The following FRMD4B variants were observed in gnomAD, a reference collection of about 807,000 sequenced individuals.
FRMD4B encodes FERM domain containing 4B, also known as FERM domain-containing protein 4B.
FRMD4B carries 74 observed loss-of-function variants against 141.5 expected under a neutral mutation model. The ratio of observed to expected loss-of-function variants is 0.52; its 90% confidence interval spans 0.43 to 0.63. The LOEUF (loss-of-function observed/expected upper bound fraction) is 0.63. Ranked by LOEUF, FRMD4B falls within the 30% of genes least tolerant of loss-of-function variation. FRMD4B has a pLI of 0.00. For missense variants in FRMD4B, 1,366 were observed against 1,253.4 expected (o/e 1.09, Z -1.36); for synonymous variants, 506 against 467.9 (o/e 1.08, Z -1.05).
intron 1 of FRMD4B, among the ~76,000 whole-genome samples, chr3:69,350,221 A>G (rs1703091101): frequency 6.6e-6 from 1 of 152,244 alleles, no homozygotes; most frequent in Non-Finnish European, 1.5e-5. Flanking sequence ...ACACATGAAA[A>G]AATGCTCATC....
intron 11 of FRMD4B, among the ~76,000 whole-genome samples, chr3:69,211,041 G>A (rs200472981): frequency 0.09 from 5,205 of 57,802 alleles, 241 homozygotes; most frequent in East Asian, 0.21. Flanking sequence ...AAAAAAAAAA[G>A]AAAGAAAATT....
chr3:69,343,860 G>A (rs527894910), intron 1 of FRMD4B, among the ~76,000 whole-genome samples: 12 of 152,134 alleles, frequency 7.9e-5, no homozygotes, highest in African/African-American at 1.4e-4. Context: ...GATTACAGGC[G>A]TGAACCACCA....
chr3:69,414,861 G>GTTTTT (rs5849900), intron 2 of FRMD4B, among the ~76,000 whole-genome samples: 16 of 98,044 alleles, frequency 1.6e-4, no homozygotes, highest in South Asian at 4.1e-4. Context: ...CGAACAAGCT[G>GTTTTT]TTTTTTTTTT....
chr3:69,226,740 G>A (rs2093258142), intron 7 of FRMD4B, among the ~76,000 whole-genome samples: 1 of 152,132 alleles, frequency 6.6e-6, no homozygotes, highest in Admixed American at 6.6e-5. Flanking sequence ...AAAATATGTA[G>A]AACGAGTGTC....
chr3:69,223,510 G>A (rs764855889), intron 8 of FRMD4B, among the ~76,000 whole-genome samples: 28 of 152,052 alleles, frequency 1.8e-4, no homozygotes, highest in Middle Eastern at 3.4e-3. Context: ...GGGAGACTCC[G>A]TCTCAAAAAA....
rs200935513 is a variant in FRMD4B at position 69,396,509 on chromosome 3, A to T, written c.-1+36125T>A. Among the ~76,000 whole-genome samples the T allele has an allele frequency of 2.0e-5, 3 of 152,074 alleles. No individual in the cohort carries two copies. In the East Asian group the frequency reaches 5.8e-4, roughly 29 times the overall value. On this transcript the variant is annotated intron_variant, in intron 2 of 5. Coordinates refer to the FRMD4B transcript ENST00000459638. Reference sequence around the variant, plus strand: ...GACAGAGTGAGACTCTGTCTCATAAAAAAAAAAAAGAATTATAGAAAACAT... The same window carrying T: ...GACAGAGTGAGACTCTGTCTCATAATAAAAAAAAAGAATTATAGAAAACAT...
chr3:69,451,683 G>C (rs1241791335), intron 1 of FRMD4B, among the ~76,000 whole-genome samples: 1 of 152,120 alleles, frequency 6.6e-6, no homozygotes, highest in Non-Finnish European at 1.5e-5. Flanking sequence ...TCTCTGGTGG[G>C]TAAGATGGTT....
chr3:69,438,280 T>G (rs968108321), intron 1 of FRMD4B, among the ~76,000 whole-genome samples: 6 of 151,728 alleles, frequency 4.0e-5, no homozygotes, highest in Non-Finnish European at 8.8e-5. Flanking sequence ...AACTTTTAAT[T>G]TTTTTTGTAG....
intron 7 of FRMD4B, among the ~76,000 whole-genome samples, chr3:69,226,808 A>C (rs1276692237): frequency 6.6e-6 from 1 of 152,240 alleles, no homozygotes; most frequent in Non-Finnish European, 1.5e-5. Context: ...GGAAAGGAGA[A>C]TAGGGAAAGA....
chr3:69,291,517 G>A (rs1177096437), intron 4 of FRMD4B, among the ~76,000 whole-genome samples: 5 of 152,186 alleles, frequency 3.3e-5, no homozygotes, highest in Non-Finnish European at 7.3e-5. Flanking sequence ...GAGTGATGCT[G>A]ACCAGATGGG....
intron 1 of FRMD4B, among the ~76,000 whole-genome samples, chr3:69,473,426 T>C (rs144706550): frequency 1.3e-5 from 2 of 152,302 alleles, no homozygotes; most frequent in East Asian, 3.9e-4. Flanking sequence ...TTTGGCTTCA[T>C]TGGCAATGCA....
At chr3:69,527,206 A>G (rs896125694) in intron 1 of FRMD4B, among the ~76,000 whole-genome samples, 4 of 152,204 alleles carry the variant, frequency 2.6e-5, no homozygotes, top group Admixed American at 1.3e-4. Flanking sequence ...CTAAAAATAG[A>G]TGAAAATGCA....
intron 4 of FRMD4B, among the ~76,000 whole-genome samples, chr3:69,301,922 C>T (rs1406509143): frequency 6.6e-6 from 1 of 152,118 alleles, no homozygotes; most frequent in Admixed American, 6.5e-5. Context: ...GTACAGAATT[C>T]AATTATTTTT....
At chr3:69,252,084 G>C (rs1485056709) in intron 5 of FRMD4B, among the ~76,000 whole-genome samples, 1 of 152,188 alleles carries the variant, frequency 6.6e-6, no homozygotes, top group African/African-American at 2.4e-5. Context: ...GACATCCCAC[G>C]ACCCACCTTT....
At chr3:69,345,944 C>A (rs192915518) in intron 1 of FRMD4B, among the ~76,000 whole-genome samples, 2 of 152,138 alleles carry the variant, frequency 1.3e-5, no homozygotes, top group Non-Finnish European at 2.9e-5. Flanking sequence ...TCCAAAGGAA[C>A]GCAGCTACTT....
intron 1 of FRMD4B, among the ~76,000 whole-genome samples, chr3:69,361,511 T>C (rs904436826): frequency 3.3e-5 from 5 of 152,228 alleles, no homozygotes; most frequent in African/African-American, 1.2e-4. Flanking sequence ...AATCTTTCCC[T>C]ACCTCCCATA....
intron 5 of FRMD4B, among the ~76,000 whole-genome samples, chr3:69,258,522 G>T (rs756035041): frequency 6.6e-6 from 1 of 150,598 alleles, no homozygotes; most frequent in Admixed American, 6.6e-5. Context: ...TCAATTTGCA[G>T]TTTTTTTTTC....
intron 1 of FRMD4B, among the ~76,000 whole-genome samples, chr3:69,364,151 G>T (rs1416585597): frequency 3.3e-5 from 5 of 152,166 alleles, no homozygotes; most frequent in Non-Finnish European, 7.3e-5. Context: ...CACAAAACAA[G>T]AGAACCCACA....
chr3:69,249,189 T>A, intron 7 of FRMD4B, 37 bp downstream of exon 7: 1 of 1,347,220 alleles, frequency 7.4e-7, no homozygotes, highest in Non-Finnish European at 1.1e-6. Context: ...TCTTTAGGGT[T>A]ATTTTGCATA....
Sources: allele counts gnomAD v4.1 joint callset (sites outside exome capture counted in the v4.1 genomes callset), GRCh38; gene constraint gnomAD v4.1.1; transcripts MANE v1.5; gene names NCBI Gene and HGNC (gene_info 2026-07-23, HGNC 2026-07-21).